Variants in METTL15 observed in about 807,000 individuals in gnomAD.
METTL15 encodes methyltransferase 15, mitochondrial 12S rRNA N4-cytidine.
In METTL15, 34 loss-of-function variants were observed where a neutral mutation model predicts 38.3. That is an observed-to-expected ratio of 0.89 (90% CI 0.68 to 1.18). The LOEUF (loss-of-function observed/expected upper bound fraction) is 1.18. Ranked by LOEUF, METTL15 falls within the 50% of genes most tolerant of loss-of-function variation. METTL15 has a pLI of 0.00. For missense variants in METTL15, 438 were observed against 498.4 expected (o/e 0.88, Z 1.15); for synonymous variants, 162 against 170.9 (o/e 0.95, Z 0.41).
chr11:28,431,166 G>A (rs1850923853), intron 6 of METTL15, among the ~76,000 whole-genome samples: 1 of 91,702 alleles, frequency 1.1e-5, no homozygotes, highest in South Asian at 3.8e-4. Flanking sequence ...GGGGGGGTCA[G>A]CCCCCTGCCC....
At chr11:28,361,534 A>C (rs1280375047) in intron 4 of METTL15, among the ~76,000 whole-genome samples, 1 of 152,138 alleles carries the variant, frequency 6.6e-6, no homozygotes, top group Non-Finnish European at 1.5e-5. Context: ...AAAAGAAAGA[A>C]AATATCTCCC....
At chr11:28,197,058 G>C (rs1851934769) in intron 3 of METTL15, among the ~76,000 whole-genome samples, 1 of 151,790 alleles carries the variant, frequency 6.6e-6, no homozygotes, top group South Asian at 2.1e-4. Context: ...AAAATCATCT[G>C]TTAAGCTGTT....
chr11:28,363,257 T>C (rs1204255511), intron 5 of METTL15, among the ~76,000 whole-genome samples: 2 of 152,282 alleles, frequency 1.3e-5, no homozygotes, highest in South Asian at 4.1e-4. Context: ...CACTGCAACC[T>C]CTGCCTCCTG....
intron 6 of METTL15, among the ~76,000 whole-genome samples, chr11:28,478,452 C>T (rs977053430): frequency 6.6e-6 from 1 of 152,154 alleles, no homozygotes; most frequent in Non-Finnish European, 1.5e-5. Flanking sequence ...TGGCCTCAAT[C>T]GTGGTGATTA....
intron 4 of METTL15, among the ~76,000 whole-genome samples, chr11:28,278,724 C>T (rs921954212): frequency 1.8e-4 from 27 of 152,094 alleles, no homozygotes; most frequent in Non-Finnish European, 3.2e-4. Flanking sequence ...TGGATGTCAA[C>T]GTGATAATAT....
chr11:28,454,003 A>G (rs1302967352), intron 6 of METTL15, among the ~76,000 whole-genome samples: 1 of 152,212 alleles, frequency 6.6e-6, no homozygotes, highest in East Asian at 1.9e-4. Flanking sequence ...TTCTTCGTTC[A>G]GTGATTCTGG....
intron 3 of METTL15, among the ~76,000 whole-genome samples, chr11:28,113,832 A>T (rs1421228373): frequency 3.3e-5 from 5 of 152,148 alleles, no homozygotes; most frequent in Non-Finnish European, 5.9e-5. Flanking sequence ...AAGTTACATG[A>T]GATAGTCAAT....
intron 6 of METTL15, among the ~76,000 whole-genome samples, chr11:28,490,859 G>A (rs188843957): frequency 1.4e-3 from 210 of 152,194 alleles, no homozygotes; most frequent in Non-Finnish European, 2.3e-3. Flanking sequence ...TTGTCAAAAG[G>A]TTTGGCTGAT....
chr11:28,324,049 A>T lies in METTL15; in HGVS notation c.779-6347A>T, dbSNP rs191648558. Among the ~76,000 whole-genome samples, 9 of 152,316 alleles carry T rather than the reference A, an allele frequency of 5.9e-5. No individual in the cohort carries two copies. In the East Asian group the frequency reaches 1.5e-3, roughly 26 times the overall value. ...ACGCTTACTTTTAAAAGTTTATTTA[A>T]CATGAAAACATCTTCCCATTAAATG... On this transcript the variant is annotated intron_variant, in intron 6 of 6. Coordinates refer to ENST00000407364, the MANE Select transcript of METTL15 (RefSeq NM_001113528.2).
rs558595224 is a variant in METTL15 at position 28,266,783 on chromosome 11, C to A, written c.408-23423C>A. 4.6e-5 allele frequency among the ~76,000 whole-genome samples: 7 copies of A among 152,288 alleles called. No individual in the cohort carries two copies. The South Asian group carries it at 1.4e-3, about 32-fold the overall frequency. ...TCTCCGTAAACTATTCTCAACATGG[C>A]AGCCATTAATGATCCTTTCAAAACG... On this transcript the variant is annotated intron_variant, in intron 4 of 6. Coordinates refer to ENST00000407364, the MANE Select transcript of METTL15 (RefSeq NM_001113528.2).
At chr11:28,463,673 C>T (rs1218085604) in intron 6 of METTL15, among the ~76,000 whole-genome samples, 1 of 151,852 alleles carries the variant, frequency 6.6e-6, no homozygotes, top group Non-Finnish European at 1.5e-5. Flanking sequence ...GTTGGTTATA[C>T]TGTATTAACA....
chr11:28,236,326 T>C (rs1311577343), intron 4 of METTL15, among the ~76,000 whole-genome samples: 2 of 152,208 alleles, frequency 1.3e-5, no homozygotes, highest in African/African-American at 4.8e-5. Context: ...CCTCATAAAA[T>C]GAGTTAGGGA....
At chr11:28,530,507 T>C (rs1248199037), downstream of METTL15, among the ~76,000 whole-genome samples, 1 of 152,132 alleles carries the variant, frequency 6.6e-6, no homozygotes, top group Non-Finnish European at 1.5e-5. Context: ...CTGATAAATG[T>C]ATAACAACTG....
chr11:28,506,859 C>T (rs12786050), intron 6 of METTL15, among the ~76,000 whole-genome samples: 12,111 of 151,504 alleles, frequency 0.08, 673 homozygotes, highest in Non-Finnish European at 0.12. Flanking sequence ...ATCCTCCCAC[C>T]TCAGCCTCTC....
At chr11:28,217,204 C>T (rs1852927365) in intron 4 of METTL15, among the ~76,000 whole-genome samples, 2 of 152,152 alleles carry the variant, frequency 1.3e-5, no homozygotes, top group African/African-American at 4.8e-5. Flanking sequence ...CCTATTTCTC[C>T]ACATCCTCTC....
At chr11:28,214,676 G>T (rs1353996294) in intron 4 of METTL15, among the ~76,000 whole-genome samples, 1 of 152,104 alleles carries the variant, frequency 6.6e-6, no homozygotes, top group Non-Finnish European at 1.5e-5. Flanking sequence ...AACTATTTAA[G>T]ACAAAATTAG....
At chr11:28,360,560 C>T (rs1005221292) in intron 4 of METTL15, among the ~76,000 whole-genome samples, 1 of 151,948 alleles carries the variant, frequency 6.6e-6, no homozygotes, top group Non-Finnish European at 1.5e-5. Context: ...GAAACTCAGG[C>T]TTGATTTTGA....
At chr11:28,482,149 G>A (rs1040661979) in intron 6 of METTL15, among the ~76,000 whole-genome samples, 1 of 152,170 alleles carries the variant, frequency 6.6e-6, no homozygotes, top group Non-Finnish European at 1.5e-5. Context: ...CAGAAGGCAA[G>A]TGGGGAAGCT....
At chr11:28,232,919 C>G (rs1386929892) in intron 4 of METTL15, among the ~76,000 whole-genome samples, 1 of 151,906 alleles carries the variant, frequency 6.6e-6, no homozygotes, top group Non-Finnish European at 1.5e-5. Flanking sequence ...CATTTTTTTT[C>G]TCTTATTAAT....
Sources: gnomAD v4.1 joint callset for allele counts (sites outside exome capture counted in the v4.1 genomes callset) on GRCh38, gnomAD v4.1.1 for gene constraint, MANE v1.5 for transcripts, NCBI Gene and HGNC (gene_info 2026-07-23, HGNC 2026-07-21) for gene names.